Variants in PCDH11X observed in about 807,000 individuals in gnomAD.
PCDH11X encodes protocadherin-11 X-linked.
In PCDH11X, 18 loss-of-function variants were observed where a neutral mutation model predicts 53.3. The observed-to-expected ratio is 0.34, with a 90% CI of 0.23 to 0.50. The LOEUF (loss-of-function observed/expected upper bound fraction) is 0.50. Among genes scored for constraint, PCDH11X ranks in the 20% least tolerant of loss-of-function variants. The pLI is 0.98. For missense variants in PCDH11X, 570 were observed against 1,032.4 expected (o/e 0.55, Z 6.14); for synonymous variants, 279 against 393.3 (o/e 0.71, Z 3.44).
rs1003212957 is a variant in PCDH11X at position 92,221,294 on chromosome X, C to T, written c.3114+19839C>T. On this transcript the variant is annotated intron_variant, in intron 7 of 10. Transcript: ENST00000682573. ...ATTGTATACAACACACACACACACA[C>T]ACACACACACACACACACACACACA... 6.6e-3 allele frequency among the ~76,000 whole-genome samples: 670 copies of T among 101,674 alleles called. 16 individuals carry two copies. Among genetic ancestry groups the T allele is most frequent in the African/African-American group, 0.021 (598 of 27,883 alleles). 88.3% of individuals were successfully genotyped at this position (101,674 alleles called of 115,157 possible). A position where few individuals can be genotyped will look rare whatever the true frequency, so the allele number is the denominator to read the frequency against.
intron 6 of PCDH11X, among the ~76,000 whole-genome samples, chrX:92,064,171 C>T (rs750216557): frequency 2.9e-5 from 3 of 103,512 alleles, no homozygotes; most frequent in Non-Finnish European, 5.9e-5. Flanking sequence ...GTAGGGTTGC[C>T]TGTGTCCATG....
chrX:92,481,238 G>C (rs2073497209), intron 10 of PCDH11X, among the ~76,000 whole-genome samples: 1 of 108,855 alleles, frequency 9.2e-6, no homozygotes, highest in South Asian at 4.1e-4. Flanking sequence ...AGTGGGGAGA[G>C]AGGAGGTGGA....
intron 10 of PCDH11X, among the ~76,000 whole-genome samples, chrX:92,607,680 CTT>C (rs1387020812): frequency 1.8e-5 from 2 of 111,556 alleles, no homozygotes; most frequent in Non-Finnish European, 3.8e-5. Context: ...GTGAAAATGA[CTT>C]TGCATCAATT....
At chrX:92,410,786 A>C (rs1276370116) in intron 9 of PCDH11X, among the ~76,000 whole-genome samples, 1 of 95,623 alleles carries the variant, frequency 1.0e-5, no homozygotes, top group East Asian at 3.2e-4. Context: ...GGAAAATGGA[A>C]AAATAAGAGA....
chrX:92,403,329 G>GTTTTATTTTTTT (rs2071428270), intron 9 of PCDH11X, among the ~76,000 whole-genome samples: 1 of 58,816 alleles, frequency 1.7e-5, no homozygotes, highest in East Asian at 7.8e-4. Flanking sequence ...GGGCATTTAC[G>GTTTTATTTTTTT]TTTTTTTTTG....
rs376769888 is a variant in PCDH11X at position 92,389,567 on chromosome X, T to C, written c.3343+1634T>C. On this transcript the variant is annotated intron_variant, in intron 9 of 10. Transcript: ENST00000682573. ...TTAAAGAGTAAACTCAGAGTAAGCA[T>C]CCACAGTGCACATCTCACCCTGAAA... Among the ~76,000 whole-genome samples the C allele has an allele frequency of 2.6e-3, 291 of 111,244 alleles. 7 individuals carry two copies. In the East Asian group the frequency reaches 0.052, roughly 20 times the overall value.
chrX:92,010,487 A>G (rs1400202024), intron 6 of PCDH11X, among the ~76,000 whole-genome samples: 1 of 110,789 alleles, frequency 9.0e-6, no homozygotes, highest in Non-Finnish European at 1.9e-5. Flanking sequence ...ACCTAGAATT[A>G]TTATAAATTC....
intron 6 of PCDH11X, among the ~76,000 whole-genome samples, chrX:92,058,312 A>G (rs930052523): frequency 8.1e-5 from 9 of 110,708 alleles, no homozygotes; most frequent in African/African-American, 3.0e-4. Context: ...AATGTTCACT[A>G]TTTAGCTTGT....
At chrX:92,070,635 T>C (rs888583399) in intron 6 of PCDH11X, among the ~76,000 whole-genome samples, 1 of 111,391 alleles carries the variant, frequency 9.0e-6, no homozygotes, top group African/African-American at 3.3e-5. Context: ...ATTAAATGCC[T>C]TGAGGTGATC....
At chrX:91,938,576 G>C (rs1408124668) in intron 6 of PCDH11X, among the ~76,000 whole-genome samples, 1 of 109,816 alleles carries the variant, frequency 9.1e-6, no homozygotes, top group Non-Finnish European at 1.9e-5. Context: ...ATCAGCACAG[G>C]GTCTCCCTTG....
intron 4 of PCDH11X, among the ~76,000 whole-genome samples, chrX:91,812,785 C>T (rs968587984): frequency 9.0e-6 from 1 of 111,193 alleles, no homozygotes; most frequent in African/African-American, 3.3e-5. Flanking sequence ...ATATCCTCTG[C>T]TCCTACCAGT....
chrX:92,482,788 T>C (rs2073537413), intron 10 of PCDH11X, among the ~76,000 whole-genome samples: 1 of 109,215 alleles, frequency 9.2e-6, no homozygotes, highest in Non-Finnish European at 1.9e-5. Context: ...ATTGGGAACA[T>C]TCTTCCTTTA....
intron 6 of PCDH11X, among the ~76,000 whole-genome samples, chrX:92,159,335 T>C (rs2065595928): frequency 9.2e-6 from 1 of 108,821 alleles, no homozygotes. Context: ...ATGTATTGAA[T>C]ATAAAAAAAT....
Position 92,618,765 on chromosome X carries a change from G to A in PCDH11X, c.3869G>A (p.Cys1290Tyr), listed in dbSNP as rs143252525. The A allele has an allele frequency of 3.3e-6, 4 of 1,210,463 alleles. No homozygotes were observed. In the African/African-American group the frequency reaches 5.2e-5, roughly 16 times the overall value. Reference protein sequence around the residue: ...QGWVQGADGLCSVDQGVQGSA... With the variant: ...QGWVQGADGLYSVDQGVQGSA... The stretch of plus-strand genomic sequence containing the variant: ...TGGGTGCAAGGTGCTGATGGGCTAT[G>A]CTCTGTTGATCAGGGAGTGCAAGGT... The change falls in exon 11 of 11, where the codon TGC becomes TAC. Residue 1290 changes from cysteine (C) to tyrosine (Y), a missense_variant. Physicochemically the swap from Cys to Tyr is radical, Grantham distance 194. This residue lies in a region of PCDH11X where 234 missense variants were observed against 296.1 expected (regional missense o/e 0.79). Coordinates refer to ENST00000682573, the MANE Select transcript of PCDH11X (RefSeq NM_032968.5).
chrX:92,163,924 G>A (rs1344027023), intron 6 of PCDH11X, among the ~76,000 whole-genome samples: 1 of 110,758 alleles, frequency 9.0e-6, no homozygotes, highest in Admixed American at 9.6e-5. Context: ...ATAACGCAAA[G>A]TTTTAGTCAT....
intron 8 of PCDH11X, among the ~76,000 whole-genome samples, chrX:92,342,992 A>G (rs746483991): frequency 2.7e-5 from 3 of 112,369 alleles, no homozygotes; most frequent in African/African-American, 9.7e-5. Flanking sequence ...TCCAAGAGAG[A>G]TAGCTGACCA....
At chrX:91,975,150 G>A (rs1237063583) in intron 6 of PCDH11X, among the ~76,000 whole-genome samples, 2 of 111,276 alleles carry the variant, frequency 1.8e-5, no homozygotes, top group Non-Finnish European at 3.8e-5. Context: ...CTCTTCAGGA[G>A]AGAATGGTGG....
intron 6 of PCDH11X, among the ~76,000 whole-genome samples, chrX:92,016,065 G>C (rs1490504004): frequency 8.9e-6 from 1 of 112,678 alleles, no homozygotes; most frequent in African/African-American, 3.2e-5. Flanking sequence ...TTTTTCAGAA[G>C]TGTTGGGCGA....
At chrX:92,148,086 CTTT>C (rs1255204923) in intron 6 of PCDH11X, among the ~76,000 whole-genome samples, 12 of 15,156 alleles carry the variant, frequency 7.9e-4, no homozygotes, top group African/African-American at 2.7e-3. Flanking sequence ...TTCTTTCTTT[CTTT>C]CTTTCTTTCT....
Sources: allele counts gnomAD v4.1 joint callset (sites outside exome capture counted in the v4.1 genomes callset), GRCh38; gene constraint gnomAD v4.1.1; regional missense constraint gnomAD v4.1.1; transcripts MANE v1.5; gene names NCBI Gene and HGNC (gene_info 2026-07-23, HGNC 2026-07-21).